EYS: variants seen among roughly 807,000 people sequenced by gnomAD.
The protein encoded by EYS is protein eyes shut homolog.
In EYS, 250 loss-of-function variants were observed where a neutral mutation model predicts 282.1. The observed-to-expected ratio is 0.89, with a 90% confidence interval of 0.80 to 0.98. The LOEUF (loss-of-function observed/expected upper bound fraction) is 0.98. Ranked by LOEUF, EYS falls within the 50% of genes least tolerant of loss-of-function variation. The pLI is 0.00. For synonymous variants in EYS, 1,355 were observed against 1,282.9 expected (o/e 1.06, Z -1.20); for missense variants, 4,016 against 3,709.0 (o/e 1.08, Z -2.15).
At chr6:64,031,310 C>A (rs1389188763) in intron 33 of EYS, among the ~76,000 whole-genome samples, 1 of 152,236 alleles carries the variant, frequency 6.6e-6, no homozygotes, top group African/African-American at 2.4e-5. Context: ...GGGCCAGCAG[C>A]TGCTGTGCTC....
At chr6:63,811,786 G>C (rs1421748312) in intron 36 of EYS, among the ~76,000 whole-genome samples, 2 of 152,020 alleles carry the variant, frequency 1.3e-5, no homozygotes, top group African/African-American at 4.8e-5. Flanking sequence ...AATCAAATCT[G>C]TTTCCCAGCC....
rs779051584 is a variant in EYS at position 65,118,877 on chromosome 6, G to A, written c.2024-61150C>T. Among the ~76,000 whole-genome samples the A allele has an allele frequency of 6.0e-3, 534 of 89,182 alleles. 5 individuals carry two copies. Among genetic ancestry groups the A allele is most frequent in the Middle Eastern group, 0.012 (2 of 162 alleles). 58.5% of individuals were successfully genotyped at this position (89,182 alleles called of 152,430 possible). A position where few individuals can be genotyped will look rare whatever the true frequency, so the allele number is the denominator to read the frequency against. On this transcript the variant is annotated intron_variant, in intron 12 of 42. Transcript: ENST00000503581. ...TAAACAAGTTTCACAGGTTCTTTAA[G>A]GAAAAAAAAAAAAAGAAATAGCTGA...
At chr6:64,633,626 C>CAAA (rs58815312) in intron 22 of EYS, among the ~76,000 whole-genome samples, 4 of 140,610 alleles carry the variant, frequency 2.8e-5, no homozygotes, top group Non-Finnish European at 3.1e-5. Context: ...CTTTTCTCAG[C>CAAA]AAAAAAAAAA....
chr6:64,248,479 C>T (rs772052782), intron 30 of EYS, among the ~76,000 whole-genome samples: 17 of 151,970 alleles, frequency 1.1e-4, no homozygotes, highest in Admixed American at 2.0e-4. Context: ...AGGAGAAATA[C>T]GGTTTGTTTC....
At chr6:63,738,829 C>T (rs1768998809) in intron 41 of EYS, among the ~76,000 whole-genome samples, 1 of 152,110 alleles carries the variant, frequency 6.6e-6, no homozygotes, top group Admixed American at 6.6e-5. Flanking sequence ...CAAAAGTATT[C>T]AAAAATTATA....
At chr6:65,701,960 G>C (rs1769695628) in intron 1 of EYS, among the ~76,000 whole-genome samples, 1 of 152,104 alleles carries the variant, frequency 6.6e-6, no homozygotes, top group Non-Finnish European at 1.5e-5. Context: ...GGTAGTATCG[G>C]ACATTTAACC....
intron 5 of EYS, among the ~76,000 whole-genome samples, chr6:65,471,105 C>T (rs1370751846): frequency 6.6e-6 from 1 of 151,844 alleles, no homozygotes; most frequent in Non-Finnish European, 1.5e-5. Flanking sequence ...CCACTGCACT[C>T]CAGCCTGGGT....
chr6:64,943,116 A>T (rs1376728523), intron 15 of EYS, among the ~76,000 whole-genome samples: 1 of 152,138 alleles, frequency 6.6e-6, no homozygotes, highest in Admixed American at 6.6e-5. Flanking sequence ...AAAACACATG[A>T]TGATCCCAAT....
intron 12 of EYS, among the ~76,000 whole-genome samples, chr6:65,190,195 CTG>C (rs578017264): frequency 1.7e-3 from 251 of 150,264 alleles, no homozygotes; most frequent in African/African-American, 5.9e-3. Flanking sequence ...CTCTATCTCT[CTG>C]TGTATAAAAC....
chr6:63,748,001 C>G (rs1472525406), intron 41 of EYS, among the ~76,000 whole-genome samples: 1 of 152,184 alleles, frequency 6.6e-6, no homozygotes, highest in Non-Finnish European at 1.5e-5. Flanking sequence ...ATGATGCTAG[C>G]TGGTTATTTT....
intron 29 of EYS, among the ~76,000 whole-genome samples, chr6:64,317,325 C>T (rs181039334): frequency 1.3e-5 from 2 of 148,944 alleles, no homozygotes; most frequent in East Asian, 3.9e-4. Flanking sequence ...CTACAAAGAA[C>T]TTAAATTTAC....
intron 22 of EYS, among the ~76,000 whole-genome samples, chr6:64,739,378 C>T (rs961324678): frequency 6.6e-6 from 1 of 152,084 alleles, no homozygotes; most frequent in Non-Finnish European, 1.5e-5. Context: ...TGTATACCAA[C>T]CAAGGAAGAT....
chr6:64,803,730 C>A (rs1279838066), intron 22 of EYS, among the ~76,000 whole-genome samples: 1 of 152,204 alleles, frequency 6.6e-6, no homozygotes, highest in East Asian at 1.9e-4. Flanking sequence ...GGGGCCAGGG[C>A]GGCAGAGGGC....
chr6:64,174,385 C>A (rs1764564843), intron 31 of EYS, among the ~76,000 whole-genome samples: 1 of 151,968 alleles, frequency 6.6e-6, no homozygotes, highest in African/African-American at 2.4e-5. Context: ...TGTTAAATAT[C>A]ACAATCGTAT....
At chr6:65,365,825 T>C (rs1343764095) in intron 8 of EYS, among the ~76,000 whole-genome samples, 1 of 151,726 alleles carries the variant, frequency 6.6e-6, no homozygotes, top group Non-Finnish European at 1.5e-5. Context: ...CGTGATTACA[T>C]CTGCAATCAG....
At chr6:63,874,352 AT>A (rs1772904529) in intron 35 of EYS, among the ~76,000 whole-genome samples, 1 of 152,078 alleles carries the variant, frequency 6.6e-6, no homozygotes, top group Admixed American at 6.6e-5. Context: ...CCATTGGTCT[AT>A]ATCTCTGTTT....
intron 28 of EYS, among the ~76,000 whole-genome samples, chr6:64,395,085 C>G (rs1269844125): frequency 6.6e-6 from 1 of 152,086 alleles, no homozygotes; most frequent in African/African-American, 2.4e-5. Context: ...TGATGCGATA[C>G]CATCTCACAC....
rs116876914 is a variant in EYS at position 63,907,513 on chromosome 6, G to A, written c.7056-43155C>T. ...CAGTTTCTGATTTTAGTAATAACAT[G>A]GTCTCTAAGAACCCATAGATATAGC... On this transcript the variant is annotated intron_variant, in intron 35 of 42. Coordinates refer to ENST00000503581, the MANE Select transcript of EYS (RefSeq NM_001142800.2). Among the ~76,000 whole-genome samples, 243 of 152,210 alleles carry A rather than the reference G, an allele frequency of 1.6e-3. 3 individuals carry two copies. In the East Asian group the frequency reaches 0.041, roughly 25 times the overall value.
chr6:65,480,369 T>C lies in EYS; in HGVS notation c.862+10225A>G, dbSNP rs193089422. On this transcript the variant is annotated intron_variant, in intron 5 of 42. Coordinates refer to ENST00000503581, the MANE Select transcript of EYS (RefSeq NM_001142800.2). ...TGACTACAGGATATTACGGGCCTTA[T>C]ATAAATATACACAGATACTACCATA... 2.0e-3 allele frequency among the ~76,000 whole-genome samples: 309 copies of C among 152,228 alleles called. 3 individuals carry two copies. The highest frequency in any genetic ancestry group is 7.4e-3 in the African/African-American group (306 of 41,556).
Sources: allele counts gnomAD v4.1 joint callset (sites outside exome capture counted in the v4.1 genomes callset), GRCh38; gene constraint gnomAD v4.1.1; transcripts MANE v1.5; gene names NCBI Gene and HGNC (gene_info 2026-07-23, HGNC 2026-07-21).